Variants in SLC43A3 observed in about 807,000 individuals in gnomAD.
SLC43A3 encodes the protein equilibrative nucleobase transporter 1.
Under a neutral mutation model 53.3 loss-of-function variants are expected in SLC43A3, and 33 were observed. The observed-to-expected ratio is 0.62, with a 90% CI of 0.47 to 0.83. The LOEUF is 0.83. Ranked by LOEUF, SLC43A3 falls within the 40% of genes least tolerant of loss-of-function variation. The pLI, the probability that SLC43A3 is intolerant of heterozygous loss-of-function variation, is 0.00. For missense variants in SLC43A3, 530 were observed against 610.0 expected (o/e 0.87, Z 1.38); for synonymous variants, 236 against 246.2 (o/e 0.96, Z 0.39).
intron 9 of SLC43A3, 78 bp from the exon 10 acceptor site, chr11:57,415,184 G>T: frequency 6.3e-7 from 1 of 1,580,388 alleles, no homozygotes; most frequent in Non-Finnish European, 8.6e-7. Context: ...AGGCTTCAAT[G>T]GAACATTTCA....
rs986465931 is a variant in SLC43A3, at chr11:57,421,217, C to T, written c.438+80G>A. On this transcript the variant is annotated intron_variant, in intron 6 of 13. Transcript: ENST00000395124. Reference sequence around the variant, plus strand: ...CTTGGGCCAACCCCATCTGAGGCAGCCAATTATAGAAAAGGGTCTCTCCTT... The same window carrying T: ...CTTGGGCCAACCCCATCTGAGGCAGTCAATTATAGAAAAGGGTCTCTCCTT... 8 of 1,364,816 alleles carry T rather than the reference C, an allele frequency of 5.9e-6. No homozygotes were observed. The African/African-American group carries it at 1.0e-4, about 17-fold the overall frequency. The allele number at this position is 1,364,816 out of a possible 1,614,324, so 84.5% of individuals were successfully genotyped here.
intron 5 of SLC43A3, among the ~76,000 whole-genome samples, chr11:57,423,430 GGTTTTTTGTTT>G (rs1424969366): frequency 6.6e-6 from 1 of 151,966 alleles, no homozygotes; most frequent in African/African-American, 2.4e-5. Flanking sequence ...TGTTTTTTAG[GGTTTTTTGTTT>G]GTTTTTTGGT....
intron 9 of SLC43A3, 139 bp from the exon 10 acceptor site, chr11:57,415,245 C>G: frequency 6.5e-7 from 1 of 1,538,006 alleles, no homozygotes; most frequent in Non-Finnish European, 8.7e-7. Context: ...CCGGCGTGCT[C>G]TGCACCTGCC....
Position 57,417,893 on chromosome 11 carries a change from G to A in SLC43A3, c.532-6C>T. The A allele has an allele frequency of 6.2e-7, 1 of 1,613,688 alleles. No homozygotes were observed. Among genetic ancestry groups the A allele is most frequent in the Non-Finnish European group, 8.5e-7 (1 of 1,179,778 alleles). ...ATGCCTTTTTCATAAAGAAGCTGCA[G>A]AAGGAGAAGGAAAAAGTCAGTGTCA... On this transcript the variant is annotated splice_polypyrimidine_tract_variant and splice_region_variant and intron_variant, in intron 7 of 13. Coordinates refer to ENST00000395124, the MANE Select transcript of SLC43A3 (RefSeq NM_199329.3).
chr11:57,407,590 A>T lies in SLC43A3; in HGVS notation c.*202T>A, dbSNP rs1942261700. ...AGAAGTTCCACATGCCTTTGCTTTG[A>T]GTCTGTGTGATATCAATCTGCTTGG... On this transcript the variant is annotated 3_prime_UTR_variant, in exon 14 of 14. Transcript: ENST00000395124. The T allele has an allele frequency of 5.6e-6, 3 of 537,784 alleles. No homozygotes were observed. Among genetic ancestry groups the T allele is most frequent in the Non-Finnish European group, 1.0e-5 (3 of 300,532 alleles). The allele number at this position is 537,784 out of a possible 1,614,324, so 33.3% of individuals were successfully genotyped here. A position where few individuals can be genotyped will look rare whatever the true frequency, so the allele number is the denominator to read the frequency against.
At position 57,407,855 on chromosome 11, in the gene SLC43A3, G is replaced by A; in HGVS notation, c.1413C>T (p.Phe471=). The A allele has an allele frequency of 6.2e-7, 1 of 1,613,796 alleles. No individual in the cohort carries two copies. Among genetic ancestry groups the A allele is most frequent in the Non-Finnish European group, 8.5e-7 (1 of 1,179,684 alleles). Residue 471 remains phenylalanine, a synonymous_variant, in exon 14 of 14, where the codon TTC becomes TTT. Coordinates refer to ENST00000395124, the MANE Select transcript of SLC43A3 (RefSeq NM_199329.3). ...MFMLAILLTF[F]HPFLVYRECR... ...ATTCCCGATATACCAGAAAGGGGTG[G>A]AAGAATGTCAGAAGAATGGCAAGCA...
At chr11:57,410,663 A>G (rs1942410677) in intron 11 of SLC43A3, among the ~76,000 whole-genome samples, 1 of 152,016 alleles carries the variant, frequency 6.6e-6, no homozygotes, top group Non-Finnish European at 1.5e-5. Context: ...AGAATAGTGT[A>G]TACAGTATAC....
chr11:57,414,697 C>A lies in SLC43A3; in HGVS notation c.978G>T (p.Gln326His), dbSNP rs1449981556. The stretch of plus-strand genomic sequence containing the variant: ...TCCAGGGGGCACACAGCACTCCGAA[C>A]TGAGTGAAGGCAAAGGCATTTGTGT... The part of the protein sequence containing the change: ...STYTNAFAFT[Q>H]FGVLCAPWNG... Residue 326 changes from glutamine to histidine, a missense_variant, in exon 11 of 14, where the codon CAG becomes CAT. Around this residue, in one of 3 missense-constraint regions of SLC43A3, gnomAD observed 376 missense variants for 386.7 expected, o/e 0.97. Coordinates refer to ENST00000395124, the MANE Select transcript of SLC43A3 (RefSeq NM_199329.3). 2 of 1,614,098 alleles carry A rather than the reference C, an allele frequency of 1.2e-6. No individual in the cohort carries two copies.
Position 57,425,660 on chromosome 11 carries a change from G to A in SLC43A3, c.195C>T (p.Ala65=), listed in dbSNP as rs763047079. 1 of 1,614,070 alleles carries A rather than the reference G, an allele frequency of 6.2e-7. No homozygotes were observed. Among genetic ancestry groups the A allele is most frequent in the Non-Finnish European group, 8.5e-7 (1 of 1,180,016 alleles). ...GNATGQADCK[A]QDERFSLIFT... ...AGATGAGTGAGAACCTCTCATCCTG[G>A]GCTTTGCAGTCTGGAGTAGAAAAAA... The change falls in exon 4 of 14, where the codon GCC becomes GCT. Residue 65 remains alanine, a synonymous_variant. Coordinates refer to ENST00000395124, the MANE Select transcript of SLC43A3 (RefSeq NM_199329.3).
chr11:57,407,427 A>C lies in SLC43A3; in HGVS notation c.*365T>G, dbSNP rs180872976. On this transcript the variant is annotated 3_prime_UTR_variant, in exon 14 of 14. Coordinates refer to ENST00000395124, the MANE Select transcript of SLC43A3 (RefSeq NM_199329.3). ...CACCTGAAAATTTAACCCGTGGCAG[A>C]GGATCCAGGCACATATAGGCTTCGG... The C allele has an allele frequency of 1.8e-4, 32 of 174,752 alleles. No homozygotes were observed. The East Asian group carries it at 4.7e-3, about 26-fold the overall frequency. The allele number at this position is 174,752 out of a possible 1,614,324, so 10.8% of individuals were successfully genotyped here.
rs201915801 is a variant in SLC43A3, at chr11:57,417,812, G to A, written c.607C>T (p.Arg203Cys). 39 of 1,614,162 alleles carry A rather than the reference G, an allele frequency of 2.4e-5. No individual in the cohort carries two copies. In the Admixed American group the frequency reaches 2.7e-4, roughly 11 times the overall value. Residue 203 changes from arginine to cysteine, a missense_variant, in exon 8 of 14, where the codon CGC (arginine) becomes TGC (cysteine). Arg to Cys is a radical substitution (Grantham distance 180). Transcript: ENST00000395124. ...CCCCGGGGCATCAGGAGGAAAGTGCGTGCTACATGCCAGGTACTGCAGACA... is the reference window on the plus strand; with the variant it reads ...CCCCGGGGCATCAGGAGGAAAGTGCATGCTACATGCCAGGTACTGCAGACA... ...ISVCSTWHVARTFLLMPRGHI... is the reference protein window; with the variant it reads ...ISVCSTWHVACTFLLMPRGHI...
Position 57,410,025 on chromosome 11 carries a change from G to T in SLC43A3, c.1157C>A (p.Pro386His). 6.2e-7 allele frequency: 1 copy of T among 1,613,256 alleles called. No individual in the cohort carries two copies. Residue 386 changes from proline (P) to histidine (H), a missense_variant, in exon 12 of 14, where the codon CCC (proline) becomes CAC (histidine). Pro to His is a moderately conservative substitution (Grantham distance 77). Around this residue, in one of 3 missense-constraint regions of SLC43A3, gnomAD observed 124 missense variants for 166.4 expected, o/e 0.75. Coordinates refer to ENST00000395124, the MANE Select transcript of SLC43A3 (RefSeq NM_199329.3). ...GGTGAGGTACTGGAGAGGGAGGATG[G>T]GGACTGAGGCACAGAGGGCGAAGCC... is the stretch of plus-strand genomic sequence containing the variant. ...CLGFALCASV[P>H]ILPLQYLTFI...
At chr11:57,426,440 G>A (rs1281879690) in intron 2 of SLC43A3, 88 bp from the exon 3 acceptor site, 1 of 496,946 alleles carries the variant, frequency 2.0e-6, no homozygotes, top group South Asian at 3.0e-5. Context: ...TGCATTAAGA[G>A]GCAGGATGAT....
chr11:57,415,746 C>T (rs965465945), intron 9 of SLC43A3, among the ~76,000 whole-genome samples: 3 of 152,132 alleles, frequency 2.0e-5, no homozygotes, highest in Non-Finnish European at 4.4e-5. Flanking sequence ...TCCCAGAACC[C>T]TATTCTTCTT....
At chr11:57,409,430 G>T in intron 12 of SLC43A3, 132 bp from the exon 13 acceptor site, 4 of 1,005,016 alleles carry the variant, frequency 4.0e-6, no homozygotes, top group Non-Finnish European at 5.8e-6. Context: ...AACCACACCT[G>T]TCTGGCCTTT....
At position 57,427,068 on chromosome 11, in the gene SLC43A3, G is replaced by GCTCCGCGCCGGGGCT. The variant is rs552457743; in HGVS notation, c.-267_-253dup. ...AGGGGACCCTTCGCCCTACCCGCCTGCTCCGCGCCGGGGCTCTCCGCGCCC... is the reference window on the plus strand; with the variant it reads ...AGGGGACCCTTCGCCCTACCCGCCTGCTCCGCGCCGGGGCTCTCCGCGCCGGGGCTCTCCGCGCCC... On this transcript the variant is annotated 5_prime_UTR_variant, in exon 1 of 14. Coordinates refer to ENST00000395124, the MANE Select transcript of SLC43A3 (RefSeq NM_199329.3). The GCTCCGCGCCGGGGCT allele has an allele frequency of 2.0e-5, 3 of 152,474 alleles. No individual in the cohort carries two copies. Among genetic ancestry groups the GCTCCGCGCCGGGGCT allele is most frequent in the East Asian group, 3.9e-4 (2 of 5,178 alleles). 9.4% of individuals were successfully genotyped at this position (152,474 alleles called of 1,614,324 possible). A position where few individuals can be genotyped will look rare whatever the true frequency, so the allele number is the denominator to read the frequency against.
intron 11 of SLC43A3, among the ~76,000 whole-genome samples, chr11:57,412,077 T>C (rs1311969965): frequency 6.6e-6 from 1 of 152,192 alleles, no homozygotes; most frequent in African/African-American, 2.4e-5. Flanking sequence ...ATCCAGACTG[T>C]AGTCTCTACC....
chr11:57,414,898 A>C (rs1942647491), intron 10 of SLC43A3, 35 bp downstream of exon 10: 1 of 1,609,032 alleles, frequency 6.2e-7, no homozygotes. Context: ...CAGCTGGGAC[A>C]TGCAGATGGG....
Position 57,409,124 on chromosome 11 carries a change from G to C in SLC43A3, c.1371+51C>G, listed in dbSNP as rs761804568. The C allele has an allele frequency of 5.6e-6, 9 of 1,607,086 alleles. No homozygotes were observed. In the South Asian group the frequency reaches 8.8e-5, roughly 16 times the overall value. On this transcript the variant is annotated intron_variant, in intron 13 of 13. Transcript: ENST00000395124. ...TCACAGCCAGATTTGGGGCAGCCAA[G>C]GCCTAAGGCCCAGGCCTCCTGCCAG... is the stretch of plus-strand genomic sequence containing the variant.
Sources: allele counts gnomAD v4.1 joint callset (sites outside exome capture counted in the v4.1 genomes callset), GRCh38; gene constraint gnomAD v4.1.1; regional missense constraint gnomAD v4.1.1; transcripts MANE v1.5; gene names NCBI Gene and HGNC (gene_info 2026-07-23, HGNC 2026-07-21).